Variants in CAST observed in about 807,000 individuals in gnomAD.
CAST encodes MIR583 host.
Under a neutral mutation model 119.6 loss-of-function variants are expected in CAST, and 76 were observed. The ratio of observed to expected loss-of-function variants is 0.64; its 90% CI spans 0.53 to 0.77. The LOEUF (loss-of-function observed/expected upper bound fraction) is 0.77. Among genes scored for constraint, CAST ranks in the 30% least tolerant of loss-of-function variants. The pLI is 0.00. For synonymous variants in CAST, 319 were observed against 331.6 expected (o/e 0.96, Z 0.41); for missense variants, 953 against 946.5 (o/e 1.01, Z -0.09).
the CAST span, among the ~76,000 whole-genome samples, chr5:96,027,464 T>TTGTGGTAGA: frequency 6.6e-6 from 1 of 152,066 alleles, no homozygotes; most frequent in African/African-American, 2.4e-5. Flanking sequence ...AGTGAAGAAA[T>TTGTGGTAGA]AGAGAATTGT....
chr5:96,096,150 A>C, the CAST span, among the ~76,000 whole-genome samples: 1 of 152,140 alleles, frequency 6.6e-6, no homozygotes, highest in Non-Finnish European at 1.5e-5. Context: ...AGCTGCCCTA[A>C]AAGGAGGTAG....
At chr5:96,070,526 T>C in the CAST span, among the ~76,000 whole-genome samples, 1 of 152,082 alleles carries the variant, frequency 6.6e-6, no homozygotes, top group East Asian at 1.9e-4. Context: ...CGTTAGTGAG[T>C]GAAGAAGAGG....
the CAST span, among the ~76,000 whole-genome samples, chr5:96,489,766 CG>C: frequency 6.6e-6 from 1 of 151,964 alleles, no homozygotes; most frequent in Non-Finnish European, 1.5e-5. Context: ...CCAACAACCC[CG>C]TGAAGATGCC....
At chr5:96,680,367 AAAAAAAAAAAAAGAAG>A (rs1204236819) in intron 2 of CAST, among the ~76,000 whole-genome samples, 5 of 137,558 alleles carry the variant, frequency 3.6e-5, no homozygotes, top group Middle Eastern at 3.8e-3. Flanking sequence ...AAAAAAAAAA[AAAAAAAAAAAAAGAAG>A]AAGAAGAAAA....
chr5:96,241,989 G>A, the CAST span, among the ~76,000 whole-genome samples: 37 of 138,900 alleles, frequency 2.7e-4, no homozygotes, highest in Non-Finnish European at 4.5e-4. Flanking sequence ...AGTAGGTTGC[G>A]AAAATTTTCT....
At chr5:96,306,288 G>T in the CAST span, among the ~76,000 whole-genome samples, 5 of 152,240 alleles carry the variant, frequency 3.3e-5, no homozygotes, top group South Asian at 2.1e-4. Flanking sequence ...GGGATCAGTG[G>T]TGATATTCCC....
At chr5:95,961,485 C>T in the CAST span, 1 of 1,341,252 alleles carries the variant, frequency 7.5e-7, no homozygotes, top group Non-Finnish European at 9.6e-7. Flanking sequence ...CTGCCAGCCA[C>T]GGCTCCGCCG....
chr5:96,206,042 T>C, the CAST span, among the ~76,000 whole-genome samples: 1 of 152,074 alleles, frequency 6.6e-6, no homozygotes, highest in Non-Finnish European at 1.5e-5. Flanking sequence ...TCATTGTGGT[T>C]TTAATTTGCA....
the CAST span, among the ~76,000 whole-genome samples, chr5:96,452,647 A>AAAAT: frequency 1.3e-5 from 1 of 79,318 alleles, no homozygotes; most frequent in African/African-American, 4.1e-5. Context: ...TAATAAAAAA[A>AAAAT]AAAAAAAAAA....
the CAST span, among the ~76,000 whole-genome samples, chr5:96,224,735 G>A: frequency 6.6e-6 from 1 of 152,176 alleles, no homozygotes; most frequent in African/African-American, 2.4e-5. Flanking sequence ...AATTTATGAT[G>A]ATTTCTTATG....
chr5:96,330,705 T>C, the CAST span, among the ~76,000 whole-genome samples: 2 of 152,126 alleles, frequency 1.3e-5, no homozygotes, highest in South Asian at 4.1e-4. Flanking sequence ...GAAAATAAGA[T>C]GTTGTGGGAG....
At chr5:96,567,098 A>G (rs918279676) in intron 1 of CAST, among the ~76,000 whole-genome samples, 1 of 151,924 alleles carries the variant, frequency 6.6e-6, no homozygotes, top group Non-Finnish European at 1.5e-5. Flanking sequence ...TCAGCAGAAA[A>G]GAAGAGAGCT....
At chr5:96,421,394 C>T in the CAST span, among the ~76,000 whole-genome samples, 1 of 72,334 alleles carries the variant, frequency 1.4e-5, no homozygotes, top group South Asian at 4.4e-4. Flanking sequence ...ACCTCAGAGG[C>T]ATTTCTCTGT....
chr5:96,594,566 A>C (rs185641870), intron 1 of CAST, among the ~76,000 whole-genome samples: 6 of 152,352 alleles, frequency 3.9e-5, no homozygotes, highest in African/African-American at 1.4e-4. Flanking sequence ...TTAATTTTTT[A>C]TTTACTTAGA....
At chr5:96,162,077 T>G in the CAST span, among the ~76,000 whole-genome samples, 1 of 152,212 alleles carries the variant, frequency 6.6e-6, no homozygotes, top group Non-Finnish European at 1.5e-5. Context: ...TTACACTTCT[T>G]CTTTTCCAAT....
intron 1 of CAST, among the ~76,000 whole-genome samples, chr5:96,533,352 TCA>T (rs1745726837): frequency 6.6e-6 from 1 of 152,122 alleles, no homozygotes; most frequent in East Asian, 1.9e-4. Context: ...GGATTAGAGC[TCA>T]GAGAGAAAAA....
chr5:96,615,895 A>G (rs986926889), intron 1 of CAST, among the ~76,000 whole-genome samples: 5 of 152,204 alleles, frequency 3.3e-5, no homozygotes, highest in African/African-American at 1.2e-4. Context: ...ACAATCGGCC[A>G]TCTGCAAGCT....
At chr5:96,520,975 A>G (rs2570467), upstream of CAST, among the ~76,000 whole-genome samples, 43,753 of 152,054 alleles carry the variant, frequency 0.29, 7,173 homozygotes, top group Middle Eastern at 0.38. Context: ...GAAAACACCA[A>G]TTAGTTACAT....
the CAST span, chr5:96,110,936 C>G: frequency 1.3e-5 from 2 of 152,140 alleles, no homozygotes; most frequent in Non-Finnish European, 2.9e-5. Flanking sequence ...TTTTCTAGAC[C>G]AAGAAATTCT....
Sources: allele counts gnomAD v4.1 joint callset (sites outside exome capture counted in the v4.1 genomes callset), GRCh38; gene constraint gnomAD v4.1.1; transcripts MANE v1.5; gene names NCBI Gene and HGNC (gene_info 2026-07-23, HGNC 2026-07-21).